Variants in BCL2 observed in about 807,000 individuals in gnomAD.
The protein encoded by BCL2 is apoptosis regulator Bcl-2.
Under a neutral mutation model 14.2 loss-of-function variants are expected in BCL2, and 1 was observed. The ratio of observed to expected loss-of-function variants is 0.07; its 90% CI spans 0.02 to 0.33. The LOEUF is 0.33. Among genes scored for constraint, BCL2 ranks in the 10% least tolerant of loss-of-function variants. The probability of loss-of-function intolerance (pLI) is 0.99; values close to 1 mark genes in which losing one functional copy is unlikely to be tolerated. For synonymous variants in BCL2, 151 were observed against 137.2 expected (o/e 1.10, Z -0.70); for missense variants, 247 against 305.9 (o/e 0.81, Z 1.44).
chr18:63,130,350 A>G (rs980804385), intron 2 of BCL2, among the ~76,000 whole-genome samples: 1 of 152,194 alleles, frequency 6.6e-6, no homozygotes, highest in Non-Finnish European at 1.5e-5. Context: ...AGGGGCTCCA[A>G]CAGTGCACAG....
intron 2 of BCL2, among the ~76,000 whole-genome samples, chr18:63,280,807 T>C (rs2144253887): frequency 6.6e-6 from 1 of 152,066 alleles, no homozygotes; most frequent in African/African-American, 2.4e-5. Context: ...AGAATTACAA[T>C]AGGATCCAGA....
At chr18:63,198,509 CAGACACACAT>C (rs1355764613) in intron 2 of BCL2, among the ~76,000 whole-genome samples, 1 of 134,844 alleles carries the variant, frequency 7.4e-6, no homozygotes, top group Non-Finnish European at 1.6e-5. Flanking sequence ...CATTGACACA[CAGACACACAT>C]AGACACAGAC....
Position 63,180,049 on chromosome 18 carries a change from C to A in BCL2, c.586-51290G>T, listed in dbSNP as rs540889044. 2.6e-5 allele frequency among the ~76,000 whole-genome samples: 4 copies of A among 152,318 alleles called. No homozygotes were observed. In the South Asian group the frequency reaches 6.2e-4, roughly 24 times the overall value. ...AGTTACAAAAGCACATGGCCATCTA[C>A]GCAATCTATCAATTAAGCACTATGC... On this transcript the variant is annotated intron_variant, in intron 2 of 2. Transcript: ENST00000333681.
chr18:63,180,288 G>A (rs1428310009), intron 2 of BCL2, among the ~76,000 whole-genome samples: 1 of 152,232 alleles, frequency 6.6e-6, no homozygotes, highest in African/African-American at 2.4e-5. Context: ...TAGCCAAATG[G>A]GGAAGAGCAG....
intron 2 of BCL2, among the ~76,000 whole-genome samples, chr18:63,260,098 C>T (rs1911610117): frequency 6.6e-6 from 1 of 151,924 alleles, no homozygotes; most frequent in Admixed American, 6.6e-5. Context: ...TACTTTTCAT[C>T]TGCTTTTTTT....
chr18:63,260,752 C>T (rs1014706460), intron 2 of BCL2, among the ~76,000 whole-genome samples: 6 of 150,472 alleles, frequency 4.0e-5, no homozygotes, highest in African/African-American at 9.8e-5. Flanking sequence ...TGGCAGATAA[C>T]GGGGGTAGAT....
chr18:63,250,558 G>A lies in BCL2; in HGVS notation c.585+67524C>T, dbSNP rs535851361. ...TACACAAAAGCATATACTATTCAAA[G>A]CCGTTGGAGTCTTAATGGAGAATGG... On this transcript the variant is annotated intron_variant, in intron 2 of 2. Transcript: ENST00000333681. 2.0e-5 allele frequency among the ~76,000 whole-genome samples: 3 copies of A among 152,312 alleles called. No individual in the cohort carries two copies. In the East Asian group the frequency reaches 5.8e-4, roughly 29 times the overall value.
At chr18:63,317,677 C>T in intron 2 of BCL2, 1 of 1,049,956 alleles carries the variant, frequency 9.5e-7, no homozygotes, top group Non-Finnish European at 1.1e-6. Context: ...ACTGTCAAGA[C>T]CCAACCTGGT....
In BCL2 at chr18:63,289,575, A is replaced by G. The variant is rs117765889; in HGVS notation, c.585+28507T>C. On this transcript the variant is annotated intron_variant, in intron 2 of 2. Transcript: ENST00000333681. ...GGAATTTGAACAGCTGGATAAAGGA[A>G]AATGAAGACTTACCTAGGAAAAGAG... Among the ~76,000 whole-genome samples the G allele has an allele frequency of 2.2e-4, 33 of 152,254 alleles. No individual in the cohort carries two copies. The East Asian group carries it at 6.2e-3, about 28-fold the overall frequency.
chr18:63,273,782 T>G (rs1300567458), intron 2 of BCL2, among the ~76,000 whole-genome samples: 1 of 152,202 alleles, frequency 6.6e-6, no homozygotes, highest in East Asian at 1.9e-4. Context: ...CTTAAGGCTC[T>G]GTCTATACTG....
chr18:63,214,186 G>A (rs1206385230), intron 2 of BCL2, among the ~76,000 whole-genome samples: 1 of 152,218 alleles, frequency 6.6e-6, no homozygotes, highest in Non-Finnish European at 1.5e-5. Flanking sequence ...TGGGAAGCAA[G>A]AAGGACAGGA....
intron 2 of BCL2, among the ~76,000 whole-genome samples, chr18:63,252,042 A>C (rs1911334254): frequency 6.6e-6 from 1 of 152,290 alleles, no homozygotes. Flanking sequence ...ATTTTTATTC[A>C]ATCTTAAGTA....
At chr18:63,309,007 G>A (rs577876034) in intron 2 of BCL2, among the ~76,000 whole-genome samples, 1 of 152,294 alleles carries the variant, frequency 6.6e-6, no homozygotes, top group South Asian at 2.1e-4. Flanking sequence ...CACACATAGA[G>A]GATACTATTA....
Position 63,123,746 on chromosome 18 carries a change from A to C in BCL2, c.*4879T>G, listed in dbSNP as rs1913835645. 9.2e-6 allele frequency: 2 copies of C among 216,804 alleles called. No individual in the cohort carries two copies. The highest frequency in any genetic ancestry group is 1.9e-5 in the Non-Finnish European group (2 of 107,742). 13.4% of individuals were successfully genotyped at this position (216,804 alleles called of 1,614,324 possible). Reference sequence around the variant, plus strand: ...TATAATAAACAAAACCACCAAAAGAAAGCTTCCCCAAAAGAAATGCAATCC... The same window carrying C: ...TATAATAAACAAAACCACCAAAAGACAGCTTCCCCAAAAGAAATGCAATCC... On this transcript the variant is annotated 3_prime_UTR_variant, in exon 3 of 3. Transcript: ENST00000333681.
At chr18:63,161,513 C>T (rs545238746) in intron 2 of BCL2, among the ~76,000 whole-genome samples, 2 of 152,294 alleles carry the variant, frequency 1.3e-5, no homozygotes, top group African/African-American at 4.8e-5. Flanking sequence ...CTCCCTCGCC[C>T]CTCCCCATCT....
At chr18:63,161,493 T>C (rs1914920918) in intron 2 of BCL2, among the ~76,000 whole-genome samples, 2 of 152,236 alleles carry the variant, frequency 1.3e-5, no homozygotes, top group East Asian at 1.9e-4. Flanking sequence ...ACTCCAAGAC[T>C]TTCTGAAAGC....
intron 2 of BCL2, among the ~76,000 whole-genome samples, chr18:63,264,653 A>G (rs1397764563): frequency 6.6e-6 from 1 of 152,200 alleles, no homozygotes; most frequent in Non-Finnish European, 1.5e-5. Flanking sequence ...AATCCATGAC[A>G]ATAAAAACTG....
chr18:63,155,186 C>CGG (rs967525887), intron 2 of BCL2, among the ~76,000 whole-genome samples: 20 of 152,258 alleles, frequency 1.3e-4, no homozygotes, highest in African/African-American at 4.8e-4. Context: ...CGGCACAGGG[C>CGG]GGGCAGAGGT....
At chr18:63,139,434 G>A (rs1176488818) in intron 2 of BCL2, among the ~76,000 whole-genome samples, 1 of 152,160 alleles carries the variant, frequency 6.6e-6, no homozygotes, top group Non-Finnish European at 1.5e-5. Flanking sequence ...TTTTTGTAAG[G>A]TGCTGAGTAT....
Sources: gnomAD v4.1 joint callset for allele counts (sites outside exome capture counted in the v4.1 genomes callset) on GRCh38, gnomAD v4.1.1 for gene constraint, MANE v1.5 for transcripts, NCBI Gene and HGNC (gene_info 2026-07-23, HGNC 2026-07-21) for gene names.